Variants in NLRP7 observed in about 807,000 individuals in gnomAD.
NLRP7 encodes the protein NLR family pyrin domain containing 7.
Under a neutral mutation model 85.5 loss-of-function variants are expected in NLRP7, and 72 were observed. That is an observed-to-expected ratio of 0.84 (90% confidence interval 0.70 to 1.02). The LOEUF is 1.02. NLRP7 is among the 50% of genes least tolerant of loss of function. The pLI, the probability that NLRP7 is intolerant of heterozygous loss-of-function variation, is 0.00. For synonymous variants in NLRP7, 550 were observed against 505.2 expected, an observed-to-expected ratio of 1.09 and a Z score of -1.19; for missense variants, 1,243 against 1,219.5, an observed-to-expected ratio of 1.02 and a Z score of -0.29.
intron 1 of NLRP7, among the ~76,000 whole-genome samples, chr19:54,944,888 G>A (rs528359918): frequency 3.3e-4 from 50 of 152,234 alleles, no homozygotes; most frequent in African/African-American, 1.1e-3. Flanking sequence ...CATATCCACT[G>A]CTTCATATAG....
In NLRP7 at chr19:54,962,170, A is replaced by G. The variant is rs1245329094; in HGVS notation, c.-77+3870T>C. 2.0e-5 allele frequency among the ~76,000 whole-genome samples: 3 copies of G among 151,014 alleles called. No homozygotes were observed. The East Asian group carries it at 5.8e-4, about 29-fold the overall frequency. ...AAGAGCAAAACTCCATCTCAAAAAA[A>G]AAAAAAAGAAAAAATGAAAAAGAAT... On this transcript the variant is annotated intron_variant, in intron 1 of 2. Transcript: ENST00000587103.
intron 1 of NLRP7, among the ~76,000 whole-genome samples, chr19:54,955,868 C>T (rs115773441): frequency 1.4e-3 from 214 of 152,188 alleles, no homozygotes; most frequent in African/African-American, 4.8e-3. Context: ...TATAGACATT[C>T]GCTCCCATGC....
chr19:54,953,820 G>A (rs2069756132), intron 1 of NLRP7, among the ~76,000 whole-genome samples: 1 of 150,776 alleles, frequency 6.6e-6, no homozygotes, highest in Non-Finnish European at 1.5e-5. Flanking sequence ...GGCTAACACG[G>A]TGAAACCATC....
At chr19:54,964,408 G>C (rs1233725661) in intron 1 of NLRP7, among the ~76,000 whole-genome samples, 2 of 150,260 alleles carry the variant, frequency 1.3e-5, no homozygotes, top group Non-Finnish European at 3.0e-5. Context: ...AGTAGAGACG[G>C]GGTTTCACCG....
At chr19:54,961,729 T>C (rs2070048856) in intron 1 of NLRP7, among the ~76,000 whole-genome samples, 1 of 150,598 alleles carries the variant, frequency 6.6e-6, no homozygotes, top group Non-Finnish European at 1.5e-5. Flanking sequence ...AGAGAATTGC[T>C]TGAGCCCCGG....
At chr19:54,943,402 C>T (rs539341991) in intron 1 of NLRP7, among the ~76,000 whole-genome samples, 2 of 152,136 alleles carry the variant, frequency 1.3e-5, no homozygotes, top group East Asian at 3.9e-4. Flanking sequence ...GAGATCGAGA[C>T]CATCCTGGCT....
chr19:54,923,844 T>C, exon 10 of NLRP7: 1 of 1,614,100 alleles, frequency 6.2e-7, no homozygotes, highest in Non-Finnish European at 8.5e-7. Flanking sequence ...AGCTTCTTGA[T>C]TTCCAAATTA....
exon 2 of NLRP7, chr19:54,941,742 G>C (rs774543200): frequency 2.5e-6 from 4 of 1,597,322 alleles, no homozygotes; most frequent in East Asian, 4.5e-5. Context: ...TTAGGTTAAG[G>C]CTGAAGAACT....
intron 9 of NLRP7, among the ~76,000 whole-genome samples, chr19:54,925,271 G>A (rs955096349): frequency 6.6e-6 from 1 of 152,154 alleles, no homozygotes; most frequent in East Asian, 1.9e-4. Context: ...TGGCATTACA[G>A]ACCTCGGTCC....
chr19:54,939,455 C>A (rs377023716), exon 4 of NLRP7: 2 of 1,613,478 alleles, frequency 1.2e-6, no homozygotes, highest in African/African-American at 1.3e-5. Flanking sequence ...TCTGTCCTGG[C>A]GGAGGATGTC....
At chr19:54,936,808 G>C (rs530474579) in intron 5 of NLRP7, among the ~76,000 whole-genome samples, 4 of 152,112 alleles carry the variant, frequency 2.6e-5, no homozygotes, top group Admixed American at 6.6e-5. Context: ...CCAGGTATTC[G>C]GGAGGCTGAG....
At chr19:54,945,781 T>A (rs569478616) in intron 1 of NLRP7, among the ~76,000 whole-genome samples, 4 of 151,354 alleles carry the variant, frequency 2.6e-5, no homozygotes, top group Admixed American at 1.3e-4. Flanking sequence ...GTATTTTTAG[T>A]AGAGACAGGG....
rs1353600731 is a variant in NLRP7 at position 54,938,714 on chromosome 19, A to G, written c.1931+174T>C. ...GCACTCCAGCCTGGGGGACAGAGCG[A>G]GACTCCGTCTCAAAAATAAAAAGCC... On this transcript the variant is annotated intron_variant, in intron 4 of 9. Coordinates refer to ENST00000340844, the Ensembl canonical transcript of NLRP7. Among the ~76,000 whole-genome samples, 3 of 152,340 alleles carry G rather than the reference A, an allele frequency of 2.0e-5. No homozygotes were observed. In the East Asian group the frequency reaches 5.8e-4, roughly 29 times the overall value.
intron 1 of NLRP7, among the ~76,000 whole-genome samples, chr19:54,954,638 A>C (rs2069793802): frequency 6.6e-6 from 1 of 151,654 alleles, no homozygotes; most frequent in Non-Finnish European, 1.5e-5. Flanking sequence ...TGAGCTCAGG[A>C]GGTCAAGATC....
At chr19:54,966,184 C>G (rs1298522403) in exon 1 of NLRP7, 2 of 151,536 alleles carry the variant, frequency 1.3e-5, no homozygotes, top group African/African-American at 4.8e-5. Context: ...AGCAGAATCT[C>G]TAGGCGTTCG....
At chr19:54,948,528 C>T (rs922945864), upstream of NLRP7, among the ~76,000 whole-genome samples, 1 of 152,068 alleles carries the variant, frequency 6.6e-6, no homozygotes, top group Non-Finnish European at 1.5e-5. Flanking sequence ...CCAGCCTAGG[C>T]CACAGAGTGA....
At chr19:54,925,767 G>A (rs2068404531) in intron 9 of NLRP7, among the ~76,000 whole-genome samples, 1 of 152,210 alleles carries the variant, frequency 6.6e-6, no homozygotes, top group Admixed American at 6.6e-5. Context: ...GGGAGGCCGA[G>A]GTGGGCAGAT....
intron 1 of NLRP7, 92 bp downstream of exon 1, chr19:54,947,377 G>T: frequency 1.0e-6 from 1 of 960,584 alleles, no homozygotes; most frequent in Non-Finnish European, 1.4e-6. Context: ...CAACCATTAA[G>T]GCTTGGGAAG....
At chr19:54,954,458 A>C (rs1322819865) in intron 1 of NLRP7, among the ~76,000 whole-genome samples, 1 of 113,022 alleles carries the variant, frequency 8.8e-6, no homozygotes, top group East Asian at 2.7e-4. Context: ...TGAACCCAGG[A>C]GGCGGAGCTT....
Sources: gnomAD v4.1 joint callset for allele counts (sites outside exome capture counted in the v4.1 genomes callset) on GRCh38, gnomAD v4.1.1 for gene constraint, MANE v1.5 for transcripts, NCBI Gene and HGNC (gene_info 2026-07-23, HGNC 2026-07-21) for gene names.